The following PNKD variants were observed in gnomAD, a reference collection of about 807,000 sequenced individuals.
PNKD encodes the protein PNKD metallo-beta-lactamase domain containing, also known as probable thioesterase PNKD.
A neutral mutation model predicts 45.3 loss-of-function variants in PNKD; 36 were observed. The ratio of observed to expected loss-of-function variants is 0.80; its 90% confidence interval spans 0.61 to 1.05. The LOEUF (loss-of-function observed/expected upper bound fraction) is 1.05, where lower values mean the gene tolerates loss of function less well. PNKD is among the 50% of genes least tolerant of loss of function. PNKD has a pLI of 0.00. For synonymous variants in PNKD, 197 were observed against 210.1 expected, an observed-to-expected ratio of 0.94 and a Z score of 0.54; for missense variants, 511 against 506.6, an observed-to-expected ratio of 1.01 and a Z score of -0.08.
intron 2 of PNKD, among the ~76,000 whole-genome samples, chr2:218,282,932 G>A (rs557837589): frequency 2.6e-5 from 4 of 152,296 alleles, no homozygotes; most frequent in South Asian, 2.1e-4. Flanking sequence ...GGCAGCCTGC[G>A]ACCACAGCTG....
chr2:218,273,486 T>A (rs199648968), intron 2 of PNKD, among the ~76,000 whole-genome samples: 36,928 of 135,206 alleles, frequency 0.27, 4,036 homozygotes, highest in Middle Eastern at 0.41. Context: ...CTTATTTTTT[T>A]TTTTTTTTTT....
At chr2:218,293,068 G>A (rs1045278367) in intron 2 of PNKD, among the ~76,000 whole-genome samples, 1 of 152,198 alleles carries the variant, frequency 6.6e-6, no homozygotes, top group African/African-American at 2.4e-5. Flanking sequence ...ATAATTCTGT[G>A]TTTTTGAGAT....
At chr2:218,324,997 CTTTTTTTTT>C (rs1167758595) in intron 2 of PNKD, among the ~76,000 whole-genome samples, 4 of 62,660 alleles carry the variant, frequency 6.4e-5, no homozygotes, top group African/African-American at 2.7e-4. Context: ...AAATAATTTT[CTTTTTTTTT>C]TTTTTTTTTT....
intron 2 of PNKD, among the ~76,000 whole-genome samples, chr2:218,309,642 C>T (rs889298102): frequency 6.6e-6 from 1 of 151,652 alleles, no homozygotes; most frequent in African/African-American, 2.4e-5. Context: ...TGTCAGAAAA[C>T]CCAACTGAGG....
rs115455172 is a variant in PNKD at position 218,282,635 on chromosome 2, G to A, written c.236+11086G>A. On this transcript the variant is annotated intron_variant, in intron 2 of 9. Transcript: ENST00000273077. Reference sequence around the variant, plus strand: ...GCTCTGCCCCTGCCACAGCTGACGGGGATGCCAGGCCTGGAAGCCAGAGCT... The same window carrying A: ...GCTCTGCCCCTGCCACAGCTGACGGAGATGCCAGGCCTGGAAGCCAGAGCT... 2.0e-3 allele frequency among the ~76,000 whole-genome samples: 308 copies of A among 152,362 alleles called. 3 individuals are homozygous for A. Among genetic ancestry groups the A allele is most frequent in the African/African-American group, 6.9e-3 (285 of 41,586 alleles).
intron 8 of PNKD, among the ~76,000 whole-genome samples, chr2:218,343,983 T>C (rs909293802): frequency 1.3e-5 from 2 of 152,246 alleles, no homozygotes; most frequent in Admixed American, 6.5e-5. Context: ...TTCACAGATA[T>C]CTGTTAATCC....
At chr2:218,277,685 G>A in intron 2 of PNKD, 2 of 1,614,156 alleles carry the variant, frequency 1.2e-6, no homozygotes, top group Non-Finnish European at 1.7e-6. Flanking sequence ...GGGAAGGAGA[G>A]AGACAAGAAT....
intron 2 of PNKD, among the ~76,000 whole-genome samples, chr2:218,300,964 G>A (rs1459956515): frequency 6.6e-6 from 1 of 152,144 alleles, no homozygotes; most frequent in Non-Finnish European, 1.5e-5. Context: ...TCTGTATTTA[G>A]ATCAAATCTG....
chr2:218,344,584 G>A lies in PNKD; in HGVS notation c.984+14G>A, dbSNP rs893965071. The A allele has an allele frequency of 3.2e-6, 5 of 1,584,026 alleles. No individual in the cohort carries two copies. In the African/African-American group the frequency reaches 5.4e-5, roughly 17 times the overall value. Reference sequence around the variant, plus strand: ...CGCAAGGGCACGGTGAGGGACTCGGGGTCCAGGAGGAGCTGTGTGGGCAGG... The same window carrying A: ...CGCAAGGGCACGGTGAGGGACTCGGAGTCCAGGAGGAGCTGTGTGGGCAGG... On this transcript the variant is annotated intron_variant, in intron 9 of 9. Transcript: ENST00000273077.
At chr2:218,316,020 T>A (rs1341578738) in intron 2 of PNKD, among the ~76,000 whole-genome samples, 1 of 152,234 alleles carries the variant, frequency 6.6e-6, no homozygotes, top group Non-Finnish European at 1.5e-5. Flanking sequence ...GGTGGCTCCA[T>A]GTGCCTTTCA....
chr2:218,287,628 C>A (rs1389345438), intron 2 of PNKD, among the ~76,000 whole-genome samples: 5 of 151,912 alleles, frequency 3.3e-5, no homozygotes, highest in Non-Finnish European at 7.4e-5. Flanking sequence ...GGGGATCGCT[C>A]GAACCCGAGA....
At position 218,270,590 on chromosome 2, in the gene PNKD, C is replaced by T. The variant is rs1690790863; in HGVS notation, c.55C>T (p.Arg19Cys). 1 of 1,093,408 alleles carries T rather than the reference C, an allele frequency of 9.1e-7. No individual in the cohort carries two copies. The highest frequency in any genetic ancestry group is 3.1e-5 in the East Asian group (1 of 31,966). 67.7% of individuals were successfully genotyped at this position (1,093,408 alleles called of 1,614,324 possible). ...ALKGRGARNA[R>C]VLRGILAGAT... ...GAAGGGCCGGGGGGCGAGAAATGCC[C>T]GCGTCCTCCGGGGTAAGGAGAGGGA... is the stretch of plus-strand genomic sequence containing the variant. The change falls in exon 1 of 10, where the codon CGC (arginine) becomes TGC (cysteine). Residue 19 changes from arginine to cysteine, a missense_variant. Arg to Cys is a radical substitution (Grantham distance 180). Coordinates refer to ENST00000273077, the MANE Select transcript of PNKD (RefSeq NM_015488.5).
At chr2:218,325,746 G>A (rs970859994) in intron 2 of PNKD, among the ~76,000 whole-genome samples, 1 of 152,174 alleles carries the variant, frequency 6.6e-6, no homozygotes, top group Admixed American at 6.5e-5. Context: ...GGTATGCCTG[G>A]AACTTGAGAC....
At chr2:218,297,942 G>T (rs1325268684) in intron 2 of PNKD, among the ~76,000 whole-genome samples, 2 of 149,620 alleles carry the variant, frequency 1.3e-5, no homozygotes, top group Non-Finnish European at 3.0e-5. Flanking sequence ...AGCTTGCAGT[G>T]AGCCGAGATC....
intron 2 of PNKD, among the ~76,000 whole-genome samples, chr2:218,279,866 A>G (rs1691689458): frequency 6.6e-6 from 1 of 152,212 alleles, no homozygotes; most frequent in African/African-American, 2.4e-5. Flanking sequence ...CTGGGGTTAG[A>G]GAAGCCAGGT....
At chr2:218,279,654 C>G (rs906305204) in intron 2 of PNKD, 10 of 485,704 alleles carry the variant, frequency 2.1e-5, no homozygotes, top group Non-Finnish European at 3.7e-5. Flanking sequence ...TCAGTCTGCA[C>G]GCTCTATGCA....
At chr2:218,285,606 C>CTA (rs1160870513) in intron 2 of PNKD, among the ~76,000 whole-genome samples, 1 of 152,270 alleles carries the variant, frequency 6.6e-6, no homozygotes, top group Non-Finnish European at 1.5e-5. Context: ...ACTTTACCAA[C>CTA]TAGACAGCCA....
At chr2:218,335,402 A>G (rs553985679) in intron 2 of PNKD, among the ~76,000 whole-genome samples, 1 of 151,914 alleles carries the variant, frequency 6.6e-6, no homozygotes, top group South Asian at 2.1e-4. Context: ...AATTGCTTGA[A>G]CCTGGGAGGT....
chr2:218,323,441 C>T (rs769956943), intron 2 of PNKD: 1 of 1,449,354 alleles, frequency 6.9e-7, no homozygotes, highest in Non-Finnish European at 9.2e-7. Context: ...GGTTAGTGCC[C>T]GGGCTCCGAA....
Sources: allele counts gnomAD v4.1 joint callset (sites outside exome capture counted in the v4.1 genomes callset), GRCh38; gene constraint gnomAD v4.1.1; transcripts MANE v1.5; gene names NCBI Gene and HGNC (gene_info 2026-07-23, HGNC 2026-07-21).